Variants in CDK6 observed in about 807,000 individuals in gnomAD.
The protein encoded by CDK6 is cyclin-dependent kinase 6.
In CDK6, 6 loss-of-function variants were observed where a neutral mutation model predicts 37.1. The observed-to-expected ratio is 0.16, with a 90% CI of 0.09 to 0.32. The LOEUF is 0.32. Ranked by LOEUF, CDK6 falls within the 10% of genes least tolerant of loss-of-function variation. CDK6 has a pLI of 1.00. For synonymous variants in CDK6, 160 were observed against 161.3 expected (o/e 0.99, Z 0.06); for missense variants, 224 against 418.9 (o/e 0.53, Z 4.06).
chr7:92,729,550 G>A (rs1798593920), intron 3 of CDK6, among the ~76,000 whole-genome samples: 1 of 152,164 alleles, frequency 6.6e-6, no homozygotes, highest in Non-Finnish European at 1.5e-5. Context: ...GAGATCTTAG[G>A]TGGGGCTTTA....
intron 3 of CDK6, among the ~76,000 whole-genome samples, chr7:92,728,137 CTA>C (rs1024630533): frequency 6.6e-6 from 1 of 152,138 alleles, no homozygotes; most frequent in African/African-American, 2.4e-5. Flanking sequence ...ATAACACACA[CTA>C]TGTTTTTCTT....
chr7:92,723,910 CAAAAA>C (rs576591781), intron 4 of CDK6, among the ~76,000 whole-genome samples: 1 of 83,746 alleles, frequency 1.2e-5, no homozygotes, highest in Admixed American at 1.3e-4. Context: ...ATTTAATAAG[CAAAAA>C]AAAAAAAAAA....
At chr7:92,743,004 T>C (rs1157835698) in intron 3 of CDK6, among the ~76,000 whole-genome samples, 1 of 151,650 alleles carries the variant, frequency 6.6e-6, no homozygotes, top group African/African-American at 2.4e-5. Flanking sequence ...AGTGCTCAGA[T>C]AGAAGAGAGG....
chr7:92,746,816 T>C (rs556529060), intron 3 of CDK6, among the ~76,000 whole-genome samples: 1 of 152,320 alleles, frequency 6.6e-6, no homozygotes, highest in East Asian at 1.9e-4. Context: ...CATTTTACTT[T>C]TCATTTCTCT....
At chr7:92,694,886 A>G (rs1797673633) in intron 4 of CDK6, among the ~76,000 whole-genome samples, 1 of 152,132 alleles carries the variant, frequency 6.6e-6, no homozygotes, top group African/African-American at 2.4e-5. Context: ...TTCTGTTCCT[A>G]CCTATTGAAA....
rs575803529 is a variant in CDK6, at chr7:92,835,580, G to T, written c.-368+898C>A. ...CTTCAACATTTCCGCATTCCTCCGC[G>T]ACTACAAAGGCTGCAGCCGCCTCCT... On this transcript the variant is annotated intron_variant, in intron 1 of 7. Transcript: ENST00000424848. The surrounding 1 kb of genome is among the most constrained non-coding windows in gnomAD (Gnocchi z 4.2). Among the ~76,000 whole-genome samples the T allele has an allele frequency of 6.6e-6, 1 of 152,254 alleles. No individual in the cohort carries two copies. Among genetic ancestry groups the T allele is most frequent in the Non-Finnish European group, 1.5e-5 (1 of 68,016 alleles).
chr7:92,810,167 C>T (rs1800838739), intron 2 of CDK6, among the ~76,000 whole-genome samples: 1 of 152,174 alleles, frequency 6.6e-6, no homozygotes, highest in Admixed American at 6.5e-5. Flanking sequence ...CATTTACTAT[C>T]TGTCAGAATT....
At chr7:92,648,645 T>C (rs376753529) in intron 5 of CDK6, among the ~76,000 whole-genome samples, 6 of 152,180 alleles carry the variant, frequency 3.9e-5, no homozygotes, top group African/African-American at 1.4e-4. Context: ...ACTAAAGTGA[T>C]GGATGACAAA....
chr7:92,757,015 T>C (rs1400808662), intron 3 of CDK6, among the ~76,000 whole-genome samples: 1 of 152,190 alleles, frequency 6.6e-6, no homozygotes, highest in East Asian at 1.9e-4. Context: ...AGTCATGGAA[T>C]TGGAAATGCT....
intron 4 of CDK6, among the ~76,000 whole-genome samples, chr7:92,672,328 G>C (rs1296775612): frequency 6.6e-6 from 1 of 150,630 alleles, no homozygotes; most frequent in Non-Finnish European, 1.5e-5. Context: ...CTCTTACCGT[G>C]ACAGCTTGGG....
At chr7:92,820,940 A>G (rs1277410509) in intron 2 of CDK6, among the ~76,000 whole-genome samples, 2 of 151,498 alleles carry the variant, frequency 1.3e-5, no homozygotes, top group Admixed American at 1.3e-4. Flanking sequence ...CATACTATTT[A>G]GTATTAGTAT....
rs187509854 is a variant in CDK6, at chr7:92,666,703, A to T, written c.647+4723T>A. ...TCTTAACGTTATTGTAGTGCAGTGC[A>T]TTACTCACTTCACATGTCTGTGGTG... On this transcript the variant is annotated intron_variant, in intron 5 of 7. Transcript: ENST00000424848. Among the ~76,000 whole-genome samples the T allele has an allele frequency of 6.6e-5, 10 of 152,332 alleles. 1 individual carries two copies. In the East Asian group the frequency reaches 1.9e-3, roughly 29 times the overall value.
chr7:92,658,462 GATAAA>G (rs1350477232), intron 5 of CDK6, among the ~76,000 whole-genome samples: 1 of 152,152 alleles, frequency 6.6e-6, no homozygotes, highest in East Asian at 1.9e-4. Context: ...GACATATTAT[GATAAA>G]ATAAAGCGAA....
At chr7:92,801,707 C>T (rs1301832182) in intron 2 of CDK6, among the ~76,000 whole-genome samples, 1 of 151,512 alleles carries the variant, frequency 6.6e-6, no homozygotes, top group East Asian at 2.0e-4. Flanking sequence ...CTGTCACCCC[C>T]ACCTCCCAGG....
rs1490659461 is a variant in CDK6 at position 92,834,389 on chromosome 7, G to A, written c.-367-699C>T. The stretch of plus-strand genomic sequence containing the variant: ...GGGTAAAGGAGTCTCGGTTGGAAAC[G>A]GAATTCTCTCTCCGGCTGGGAGGAC... On this transcript the variant is annotated intron_variant, in intron 1 of 7. Transcript: ENST00000424848. This position sits in a 1 kb window ranked among gnomAD's most constrained non-coding sequence, Gnocchi z 4.6. 5.3e-5 allele frequency among the ~76,000 whole-genome samples: 8 copies of A among 152,054 alleles called. No individual in the cohort carries two copies. The highest frequency in any genetic ancestry group is 4.6e-4 in the Admixed American group (7 of 15,284).
At position 92,725,804 on chromosome 7, in the gene CDK6, TA is replaced by T. The variant is rs773364440; in HGVS notation, c.370-12del. 8 of 1,599,404 alleles carry T rather than the reference TA, an allele frequency of 5.0e-6. No individual in the cohort carries two copies. The highest frequency in any genetic ancestry group is 6.0e-6 in the Non-Finnish European group (7 of 1,173,276). On this transcript the variant is annotated splice_polypyrimidine_tract_variant and intron_variant, in intron 3 of 7. Transcript: ENST00000424848. ...CTGAAACATCATATCCTAATAAAATTAAAAAAAGAAAATCAGTAAACACTCA... is the reference window on the plus strand; with the variant it reads ...CTGAAACATCATATCCTAATAAAATTAAAAAAGAAAATCAGTAAACACTCA...
chr7:92,675,540 CTT>C (rs1225454975), intron 4 of CDK6, among the ~76,000 whole-genome samples: 1 of 152,176 alleles, frequency 6.6e-6, no homozygotes, highest in African/African-American at 2.4e-5. Context: ...AGGATATTGA[CTT>C]ATATTCATAA....
intron 2 of CDK6, among the ~76,000 whole-genome samples, chr7:92,830,361 T>A (rs1393338715): frequency 6.6e-6 from 1 of 152,248 alleles, no homozygotes; most frequent in African/African-American, 2.4e-5. Flanking sequence ...ATGTTTATTA[T>A]GCTCCTGTTA....
intron 5 of CDK6, among the ~76,000 whole-genome samples, chr7:92,669,746 C>T (rs1433016782): frequency 6.6e-6 from 1 of 152,234 alleles, no homozygotes; most frequent in African/African-American, 2.4e-5. Context: ...AGTAATGAAT[C>T]AGAATCTCAA....
Sources: gnomAD v4.1 joint callset for allele counts (sites outside exome capture counted in the v4.1 genomes callset) on GRCh38, gnomAD v4.1.1 for gene constraint, Gnocchi (gnomAD v3.1) non-coding constraint, MANE v1.5 for transcripts, NCBI Gene and HGNC (gene_info 2026-07-23, HGNC 2026-07-21) for gene names.